EYA1: variants seen among roughly 807,000 people sequenced by gnomAD.
EYA1 encodes EYA transcriptional coactivator and phosphatase 1, also known as protein phosphatase EYA1.
A neutral mutation model predicts 82.0 loss-of-function variants in EYA1; 16 were observed. The ratio of observed to expected loss-of-function variants is 0.20; its 90% CI spans 0.13 to 0.30. The LOEUF is 0.30. Ranked by LOEUF, EYA1 falls within the 10% of genes least tolerant of loss-of-function variation. The pLI, the probability that EYA1 is intolerant of heterozygous loss-of-function variation, is 1.00. For missense variants in EYA1, 633 were observed against 730.7 expected (o/e 0.87, Z 1.54); for synonymous variants, 261 against 264.4 (o/e 0.99, Z 0.12).
chr8:71,393,807 C>T (rs1050203576), intron 2 of EYA1, among the ~76,000 whole-genome samples: 2 of 152,044 alleles, frequency 1.3e-5, no homozygotes, highest in Non-Finnish European at 2.9e-5. Flanking sequence ...GGGTATATGC[C>T]CAATAATGGG....
intron 12 of EYA1, among the ~76,000 whole-genome samples, chr8:71,223,649 T>C (rs1285767798): frequency 6.6e-6 from 1 of 152,192 alleles, no homozygotes; most frequent in African/African-American, 2.4e-5. Flanking sequence ...CTCTTGGAAC[T>C]CTGGTTGCAC....
chr8:71,451,953 A>T (rs1174740393), intron 2 of EYA1, among the ~76,000 whole-genome samples: 1 of 152,166 alleles, frequency 6.6e-6, no homozygotes, highest in African/African-American at 2.4e-5. Flanking sequence ...ACCGAGCTTG[A>T]GCCAAAGCAG....
At chr8:71,200,177 G>GGAAA (rs1325651878) in intron 17 of EYA1, 1 of 151,402 alleles carries the variant, frequency 6.6e-6, no homozygotes, top group Non-Finnish European at 1.5e-5. Context: ...CCTTTTTAAG[G>GGAAA]GAAAGATAAT....
intron 6 of EYA1, among the ~76,000 whole-genome samples, chr8:71,320,067 T>C (rs1323403688): frequency 1.3e-5 from 2 of 152,192 alleles, no homozygotes; most frequent in Non-Finnish European, 1.5e-5. Context: ...CTCACTCTGC[T>C]AGTTCTTATT....
intron 4 of EYA1, among the ~76,000 whole-genome samples, chr8:71,333,277 T>C (rs1824100635): frequency 6.6e-6 from 1 of 152,254 alleles, no homozygotes; most frequent in Admixed American, 6.5e-5. Flanking sequence ...TCATTTTGTA[T>C]TTATAATTTC....
intron 16 of EYA1, among the ~76,000 whole-genome samples, chr8:71,214,731 C>T (rs1156952913): frequency 2.6e-5 from 4 of 152,110 alleles, no homozygotes; most frequent in East Asian, 3.8e-4. Flanking sequence ...CAGTTCAGGG[C>T]ATCTAGTAGA....
At chr8:71,393,600 C>T (rs888728634) in intron 2 of EYA1, among the ~76,000 whole-genome samples, 3 of 152,276 alleles carry the variant, frequency 2.0e-5, no homozygotes, top group African/African-American at 7.2e-5. Context: ...CCAGCTTCAT[C>T]CATGTCCCTA....
chr8:71,528,470 G>A (rs1001029426), intron 2 of EYA1, among the ~76,000 whole-genome samples: 5 of 152,096 alleles, frequency 3.3e-5, no homozygotes, highest in Admixed American at 6.6e-5. Context: ...GAACTTTGAC[G>A]TCCAGTCTTT....
intron 2 of EYA1, among the ~76,000 whole-genome samples, chr8:71,426,517 C>T (rs952836744): frequency 2.0e-5 from 3 of 152,310 alleles, no homozygotes; most frequent in African/African-American, 7.2e-5. Flanking sequence ...GGCCTGCTTC[C>T]CCTCTGGCCA....
intron 2 of EYA1, among the ~76,000 whole-genome samples, chr8:71,534,072 A>C (rs1255102648): frequency 6.6e-6 from 1 of 152,222 alleles, no homozygotes; most frequent in Admixed American, 6.5e-5. Flanking sequence ...TAGAATTTGC[A>C]TAATACAAGG....
At chr8:71,433,406 G>A (rs1805772308) in intron 2 of EYA1, among the ~76,000 whole-genome samples, 2 of 152,100 alleles carry the variant, frequency 1.3e-5, no homozygotes, top group South Asian at 4.1e-4. Context: ...AAATTAAACA[G>A]ACATAAATTC....
intron 7 of EYA1, among the ~76,000 whole-genome samples, chr8:71,317,066 G>T (rs760358482): frequency 1.2e-4 from 18 of 152,124 alleles, no homozygotes; most frequent in Admixed American, 3.3e-4. Context: ...TGTTCTTTGG[G>T]AGATCATTAT....
chr8:71,246,597 A>G (rs1461552051), intron 11 of EYA1, among the ~76,000 whole-genome samples: 2 of 152,166 alleles, frequency 1.3e-5, no homozygotes, highest in African/African-American at 2.4e-5. Flanking sequence ...GGAGGCCTAG[A>G]CTGTAGGCCA....
chr8:71,496,242 T>C (rs1484682357), intron 2 of EYA1, among the ~76,000 whole-genome samples: 1 of 152,210 alleles, frequency 6.6e-6, no homozygotes, highest in Non-Finnish European at 1.5e-5. Context: ...TTTGTGAATC[T>C]AATTGCTCTT....
In EYA1 at chr8:71,361,830, G is replaced by A; in HGVS notation, c.-238C>T. 1 of 985,444 alleles carries A rather than the reference G, an allele frequency of 1.0e-6. No individual in the cohort carries two copies. The highest frequency in any genetic ancestry group is 4.7e-5 in the South Asian group (1 of 21,294). The allele number at this position is 985,444 out of a possible 1,614,324, so 61.0% of individuals were successfully genotyped here. ...TCTGCAGGGGAAAGCTCGGCGCAGG[G>A]GGCAGGCGCCTGGCCGCTGCCGCAG... On this transcript the variant is annotated 5_prime_UTR_variant, in exon 1 of 18. Coordinates refer to ENST00000340726, the MANE Select transcript of EYA1 (RefSeq NM_000503.6).
chr8:71,295,700 C>G (rs987206752), intron 9 of EYA1, among the ~76,000 whole-genome samples: 10 of 152,230 alleles, frequency 6.6e-5, no homozygotes, highest in Admixed American at 6.5e-5. Flanking sequence ...TATGATCCAG[C>G]AATCACACTC....
intron 2 of EYA1, among the ~76,000 whole-genome samples, chr8:71,504,371 T>A (rs1181527730): frequency 6.6e-6 from 1 of 152,178 alleles, no homozygotes; most frequent in East Asian, 1.9e-4. Context: ...ATAAACTATT[T>A]AGATTTTTCA....
intron 11 of EYA1, among the ~76,000 whole-genome samples, chr8:71,259,952 G>A (rs1814899040): frequency 6.6e-6 from 1 of 152,068 alleles, no homozygotes; most frequent in Non-Finnish European, 1.5e-5. Context: ...TATTACATTA[G>A]ATCTGATGTC....
chr8:71,225,702 C>T lies in EYA1; in HGVS notation c.1141-8679G>A, dbSNP rs184037007. 1.2e-3 allele frequency among the ~76,000 whole-genome samples: 178 copies of T among 152,126 alleles called. 1 individual carries two copies. The highest frequency in any genetic ancestry group is 3.6e-3 in the African/African-American group (150 of 41,516). Reference sequence around the variant, plus strand: ...AATAGGATGACACAACTATACAAGCCGATGGGAAAAGAAAACAATTTCAAA... The same window carrying T: ...AATAGGATGACACAACTATACAAGCTGATGGGAAAAGAAAACAATTTCAAA... On this transcript the variant is annotated intron_variant, in intron 12 of 17. Transcript: ENST00000340726.
Sources: allele counts gnomAD v4.1 joint callset (sites outside exome capture counted in the v4.1 genomes callset), GRCh38; gene constraint gnomAD v4.1.1; transcripts MANE v1.5; gene names NCBI Gene and HGNC (gene_info 2026-07-23, HGNC 2026-07-21).